TAS2R1: variants seen among roughly 807,000 people sequenced by gnomAD.
TAS2R1 encodes taste receptor type 2 member 1.
For missense variants in TAS2R1, 370 were observed against 353.4 expected, an observed-to-expected ratio of 1.05 and a Z score of -0.38; for synonymous variants, 141 against 134.2, an observed-to-expected ratio of 1.05 and a Z score of -0.35.
chr5:9,871,632 C>A, the TAS2R1 span, among the ~76,000 whole-genome samples: 19 of 152,142 alleles, frequency 1.2e-4, no homozygotes, highest in African/African-American at 4.1e-4. Context: ...GAATTTTACC[C>A]CAGATTTTTC....
the TAS2R1 span, among the ~76,000 whole-genome samples, chr5:9,718,012 T>C: frequency 3.3e-5 from 5 of 152,212 alleles, no homozygotes; most frequent in Non-Finnish European, 7.3e-5. Flanking sequence ...CACGCTGGAG[T>C]GCAGTGGCTT....
chr5:9,853,105 C>T, the TAS2R1 span, among the ~76,000 whole-genome samples: 1 of 152,176 alleles, frequency 6.6e-6, no homozygotes, highest in Non-Finnish European at 1.5e-5. Flanking sequence ...TTTGATATCC[C>T]AGAATTGGAA....
the TAS2R1 span, among the ~76,000 whole-genome samples, chr5:9,842,923 T>C: frequency 6.3e-4 from 96 of 152,242 alleles, 2 homozygotes; most frequent in South Asian, 0.019. Flanking sequence ...ATTGGACAAA[T>C]AGCTTGAGGA....
chr5:9,832,586 C>T, the TAS2R1 span, among the ~76,000 whole-genome samples: 1 of 152,172 alleles, frequency 6.6e-6, no homozygotes, highest in South Asian at 2.1e-4. Context: ...AGAAAATTAA[C>T]TGTTGGGATT....
At chr5:9,790,795 AT>A in the TAS2R1 span, among the ~76,000 whole-genome samples, 1 of 151,240 alleles carries the variant, frequency 6.6e-6, no homozygotes, top group Non-Finnish European at 1.5e-5. Flanking sequence ...CGCCTGGCTA[AT>A]TTTTTTTTGT....
the TAS2R1 span, among the ~76,000 whole-genome samples, chr5:9,823,651 G>T: frequency 9.5e-5 from 13 of 136,936 alleles, no homozygotes; most frequent in African/African-American, 3.3e-4. Flanking sequence ...GGAGGGAAAG[G>T]GAGGAAGGGA....
At chr5:9,702,478 G>C (rs1741508115) in intron 1 of TAS2R1, among the ~76,000 whole-genome samples, 1 of 152,108 alleles carries the variant, frequency 6.6e-6, no homozygotes, top group Non-Finnish European at 1.5e-5. Flanking sequence ...ACTGCCGTTG[G>C]TGCCGAGGGG....
the TAS2R1 span, among the ~76,000 whole-genome samples, chr5:9,723,603 C>T: frequency 3.3e-5 from 5 of 152,230 alleles, no homozygotes; most frequent in African/African-American, 1.2e-4. Context: ...GAGATGCCCA[C>T]CCTCACTGCC....
At chr5:9,712,098 T>C (rs1326131394) in intron 1 of TAS2R1, 1 of 152,046 alleles carries the variant, frequency 6.6e-6, no homozygotes, top group Non-Finnish European at 1.5e-5. Context: ...TGTTAGAGAA[T>C]ATTTTCATCT....
chr5:9,863,264 ATT>A, the TAS2R1 span, among the ~76,000 whole-genome samples: 2,813 of 126,418 alleles, frequency 0.022, 67 homozygotes, highest in African/African-American at 0.077. Context: ...AGACCCAAAG[ATT>A]TTTTTTTTTT....
intron 2 of TAS2R1, among the ~76,000 whole-genome samples, chr5:9,645,396 G>A (rs968757636): frequency 2.6e-5 from 4 of 152,104 alleles, no homozygotes; most frequent in Admixed American, 6.6e-5. Flanking sequence ...AAGCATCACC[G>A]CGTCCTATGT....
At chr5:9,645,426 G>A (rs1306862219) in intron 2 of TAS2R1, 1 of 152,142 alleles carries the variant, frequency 6.6e-6, no homozygotes, top group East Asian at 1.9e-4. Flanking sequence ...CAGTGAGAGT[G>A]AAGATTCCTT....
the TAS2R1 span, among the ~76,000 whole-genome samples, chr5:9,886,632 T>A: frequency 6.6e-6 from 1 of 152,042 alleles, no homozygotes; most frequent in Non-Finnish European, 1.5e-5. Flanking sequence ...CCGTTCCCAG[T>A]CTATTTTTAT....
intron 1 of TAS2R1, among the ~76,000 whole-genome samples, chr5:9,679,687 A>ATTCT (rs1272495400): frequency 1.3e-5 from 2 of 152,218 alleles, no homozygotes; most frequent in Admixed American, 1.3e-4. Context: ...ATAGACAAAC[A>ATTCT]AGGAGGAGGC....
At position 9,701,221 on chromosome 5, in the gene TAS2R1, G is replaced by GACACAC. The variant is rs34248017; in HGVS notation, c.-242+10945_-242+10950dup. ...TCATTAGCAACATGGCAGACACGCA[G>GACACAC]ACACACACACACACACACACACACA... On this transcript the variant is annotated intron_variant, in intron 1 of 2. Transcript: ENST00000506620. 4.8e-3 allele frequency among the ~76,000 whole-genome samples: 657 copies of GACACAC among 135,918 alleles called. 5 individuals are homozygous for GACACAC. Among genetic ancestry groups the GACACAC allele is most frequent in the African/African-American group, 9.4e-3 (338 of 35,942 alleles). The allele number at this position is 135,918 out of a possible 152,430, so 89.2% of individuals were successfully genotyped here.
chr5:9,705,723 C>T (rs772388847), intron 1 of TAS2R1, among the ~76,000 whole-genome samples: 17 of 151,986 alleles, frequency 1.1e-4, no homozygotes, highest in Non-Finnish European at 1.3e-4. Context: ...AGCCGGGCAT[C>T]GTGGTGCATG....
At chr5:9,761,188 C>T in the TAS2R1 span, among the ~76,000 whole-genome samples, 2 of 152,122 alleles carry the variant, frequency 1.3e-5, no homozygotes, top group East Asian at 3.8e-4. Context: ...AATAAATGGG[C>T]CTTGCCACTC....
chr5:9,827,241 C>A, the TAS2R1 span, among the ~76,000 whole-genome samples: 2 of 152,102 alleles, frequency 1.3e-5, no homozygotes, highest in Non-Finnish European at 2.9e-5. Context: ...CACCTGTCAC[C>A]TCCTTTCTTA....
the TAS2R1 span, among the ~76,000 whole-genome samples, chr5:9,744,900 A>G: frequency 2.6e-5 from 4 of 152,176 alleles, no homozygotes; most frequent in African/African-American, 9.7e-5. Flanking sequence ...TGCATTAGAC[A>G]AAGAGTATAA....
Sources: allele counts gnomAD v4.1 joint callset (sites outside exome capture counted in the v4.1 genomes callset), GRCh38; gene constraint gnomAD v4.1.1; transcripts MANE v1.5; gene names NCBI Gene and HGNC (gene_info 2026-07-23, HGNC 2026-07-21).